The following SCHIP1 variants were observed in gnomAD, a reference collection of about 807,000 sequenced individuals.
The protein encoded by SCHIP1 is schwannomin-interacting protein 1.
SCHIP1 carries 8 observed loss-of-function variants against 29.7 expected under a neutral mutation model. The ratio of observed to expected loss-of-function variants is 0.27; its 90% CI spans 0.16 to 0.49. The LOEUF (loss-of-function observed/expected upper bound fraction) is 0.49, where lower values mean the gene tolerates loss of function less well. Ranked by LOEUF, SCHIP1 falls within the 20% of genes least tolerant of loss-of-function variation. The pLI, the probability that SCHIP1 is intolerant of heterozygous loss-of-function variation, is 0.99. For missense variants in SCHIP1, 193 were observed against 294.6 expected, an observed-to-expected ratio of 0.66 and a Z score of 2.52; for synonymous variants, 76 against 94.9, an observed-to-expected ratio of 0.80 and a Z score of 1.16.
the SCHIP1 span, among the ~76,000 whole-genome samples, chr3:159,806,340 T>C: frequency 6.6e-6 from 1 of 152,364 alleles, no homozygotes; most frequent in African/African-American, 2.4e-5. Flanking sequence ...GAATGGGTTC[T>C]TCTTTGGTCT....
chr3:159,701,943 A>T, the SCHIP1 span, among the ~76,000 whole-genome samples: 1 of 152,172 alleles, frequency 6.6e-6, no homozygotes, highest in African/African-American at 2.4e-5. Context: ...CCAAGCTCCA[A>T]AGCTTGGTCT....
At chr3:159,757,437 T>C in the SCHIP1 span, among the ~76,000 whole-genome samples, 1 of 152,178 alleles carries the variant, frequency 6.6e-6, no homozygotes, top group African/African-American at 2.4e-5. Context: ...ATCAGGTCCC[T>C]CCCACAACAC....
At chr3:159,701,634 G>GT in the SCHIP1 span, among the ~76,000 whole-genome samples, 326 of 151,948 alleles carry the variant, frequency 2.1e-3, 1 homozygote, top group Middle Eastern at 0.01. Context: ...ATGATCTGTT[G>GT]TTTTTTATAT....
At chr3:159,533,408 G>T in the SCHIP1 span, among the ~76,000 whole-genome samples, 1 of 152,144 alleles carries the variant, frequency 6.6e-6, no homozygotes, top group African/African-American at 2.4e-5. Flanking sequence ...CAACCCTGCA[G>T]GGTTGGCAGT....
chr3:159,382,847 A>C, the SCHIP1 span, among the ~76,000 whole-genome samples: 4,195 of 152,200 alleles, frequency 0.028, 76 homozygotes, highest in East Asian at 0.11. Context: ...TTGCATTTCT[A>C]TGATGGCCAG....
the SCHIP1 span, among the ~76,000 whole-genome samples, chr3:159,680,680 A>T: frequency 9.4e-3 from 661 of 70,662 alleles, 26 homozygotes; most frequent in Non-Finnish European, 0.012. Flanking sequence ...TTATATATAT[A>T]ATATATGTAT....
chr3:159,402,937 T>C, the SCHIP1 span, among the ~76,000 whole-genome samples: 1 of 151,608 alleles, frequency 6.6e-6, no homozygotes, highest in African/African-American at 2.4e-5. Flanking sequence ...ATAATAATAA[T>C]AATAATAAAA....
At chr3:159,473,395 T>C in the SCHIP1 span, among the ~76,000 whole-genome samples, 2 of 152,084 alleles carry the variant, frequency 1.3e-5, no homozygotes, top group Admixed American at 1.3e-4. Context: ...CAGCAATTCC[T>C]GTAATAAAAG....
the SCHIP1 span, among the ~76,000 whole-genome samples, chr3:159,700,101 C>T: frequency 6.6e-6 from 1 of 152,196 alleles, no homozygotes; most frequent in Non-Finnish European, 1.5e-5. Context: ...GATGTTGTCA[C>T]ATCAGAAGTA....
the SCHIP1 span, among the ~76,000 whole-genome samples, chr3:159,388,501 T>C: frequency 2.0e-5 from 3 of 152,138 alleles, no homozygotes; most frequent in Non-Finnish European, 4.4e-5. Context: ...TTTCCTTATA[T>C]ATATTTATGA....
At chr3:159,514,496 G>A in the SCHIP1 span, among the ~76,000 whole-genome samples, 11 of 152,106 alleles carry the variant, frequency 7.2e-5, no homozygotes, top group Admixed American at 4.6e-4. Flanking sequence ...GGCTATACCC[G>A]ACTGTCCTAC....
At chr3:159,722,679 T>C in the SCHIP1 span, among the ~76,000 whole-genome samples, 1 of 152,222 alleles carries the variant, frequency 6.6e-6, no homozygotes, top group African/African-American at 2.4e-5. Flanking sequence ...ATATCATTTT[T>C]TCAAGTACTT....
the SCHIP1 span, chr3:159,768,584 C>T: frequency 1.3e-5 from 2 of 152,200 alleles, no homozygotes; most frequent in Non-Finnish European, 2.9e-5. Context: ...CTTCACTTTG[C>T]GATGGGTTTA....
chr3:159,601,968 C>T, the SCHIP1 span, among the ~76,000 whole-genome samples: 5,766 of 152,292 alleles, frequency 0.038, 268 homozygotes, highest in East Asian at 0.17. Flanking sequence ...CTCTGCCATA[C>T]CCGTTTAGGT....
the SCHIP1 span, among the ~76,000 whole-genome samples, chr3:159,555,430 ACTT>A: frequency 9.8e-5 from 15 of 152,314 alleles, no homozygotes; most frequent in East Asian, 2.7e-3. Context: ...GAAAGCATCT[ACTT>A]CTTAAAACTA....
chr3:159,418,305 C>T, the SCHIP1 span, among the ~76,000 whole-genome samples: 1 of 152,134 alleles, frequency 6.6e-6, no homozygotes, highest in South Asian at 2.1e-4. Context: ...AAGGACATAT[C>T]CCAGATAGAT....
the SCHIP1 span, among the ~76,000 whole-genome samples, chr3:159,639,008 A>G: frequency 6.6e-6 from 1 of 152,124 alleles, no homozygotes; most frequent in African/African-American, 2.4e-5. Flanking sequence ...AGACATTTAC[A>G]TAATTTATCT....
the SCHIP1 span, among the ~76,000 whole-genome samples, chr3:159,689,707 C>A: frequency 1.3e-5 from 2 of 152,108 alleles, no homozygotes; most frequent in Non-Finnish European, 2.9e-5. Context: ...CAGCTTTTGC[C>A]CATTCAGTAT....
At chr3:159,556,667 G>A in the SCHIP1 span, among the ~76,000 whole-genome samples, 324 of 149,208 alleles carry the variant, frequency 2.2e-3, no homozygotes, top group African/African-American at 7.7e-3. Flanking sequence ...CTATCGCAAG[G>A]ACAAAAAACC....
Sources: allele counts gnomAD v4.1 joint callset (sites outside exome capture counted in the v4.1 genomes callset), GRCh38; gene constraint gnomAD v4.1.1; transcripts MANE v1.5; gene names NCBI Gene and HGNC (gene_info 2026-07-23, HGNC 2026-07-21).